KDR: variants seen among roughly 807,000 people sequenced by gnomAD.
KDR encodes vascular endothelial growth factor receptor 2.
In KDR, 43 loss-of-function variants were observed where a neutral mutation model predicts 160.9. The observed-to-expected ratio is 0.27, with a 90% CI of 0.21 to 0.34. KDR has a LOEUF of 0.34. Ranked by LOEUF, KDR falls within the 10% of genes least tolerant of loss-of-function variation. The pLI, the probability that KDR is intolerant of heterozygous loss-of-function variation, is 1.00. For synonymous variants in KDR, 617 were observed against 600.1 expected, an observed-to-expected ratio of 1.03 and a Z score of -0.41; for missense variants, 1,469 against 1,666.4, an observed-to-expected ratio of 0.88 and a Z score of 2.06.
At chr4:55,117,223 T>C (rs1182085789) in intron 3 of KDR, among the ~76,000 whole-genome samples, 1 of 152,162 alleles carries the variant, frequency 6.6e-6, no homozygotes, top group Non-Finnish European at 1.5e-5. Context: ...CAAAATAAAA[T>C]ATTTACTGAA....
At chr4:55,097,526 C>T (rs543654101) in intron 18 of KDR, 136 bp downstream of exon 18, 2 of 656,662 alleles carry the variant, frequency 3.0e-6, no homozygotes, top group South Asian at 1.7e-5. Flanking sequence ...CCAATTTGCA[C>T]AAGGGCATTA....
In KDR at chr4:55,089,396, G is replaced by A; in HGVS notation, c.3382C>T (p.Pro1128Ser). Residue 1128 changes from proline (P) to serine (S), a missense_variant, in exon 25 of 30, where the codon CCT (proline) becomes TCT (serine). Coordinates refer to ENST00000263923, the MANE Select transcript of KDR (RefSeq NM_002253.4). Reference protein sequence around the residue: ...RLKEGTRMRAPDYTTPEMYQT... With the variant: ...RLKEGTRMRASDYTTPEMYQT... Reference sequence around the variant, plus strand: ...TACATTTCTGGTGTAGTATAATCAGGGGCCCTCATTCTAGTTCCTTCTTTC... The same window carrying A: ...TACATTTCTGGTGTAGTATAATCAGAGGCCCTCATTCTAGTTCCTTCTTTC... 3 of 1,611,168 alleles carry A rather than the reference G, an allele frequency of 1.9e-6. No homozygotes were observed. The highest frequency in any genetic ancestry group is 2.5e-6 in the Non-Finnish European group (3 of 1,177,704).
rs2110011147 is a variant in KDR at position 55,089,796 on chromosome 4, G to A, written c.3199C>T (p.Leu1067Phe). Reference protein sequence around the residue: ...PDYVRKGDARLPLKWMAPETI... With the variant: ...PDYVRKGDARFPLKWMAPETI... The stretch of plus-strand genomic sequence containing the variant: ...TCTGGGGCCATCCATTTCAAAGGGA[G>A]GCGAGCCTACAGGGGTAGAAGACAA... Residue 1067 changes from leucine to phenylalanine, a missense_variant, in exon 24 of 30, where the codon CTC becomes TTC. Coordinates refer to ENST00000263923, the MANE Select transcript of KDR (RefSeq NM_002253.4). The A allele has an allele frequency of 1.2e-6, 2 of 1,613,950 alleles. No homozygotes were observed. Among genetic ancestry groups the A allele is most frequent in the Non-Finnish European group, 1.7e-6 (2 of 1,179,882 alleles).
chr4:55,104,691 T>G lies in KDR; in HGVS notation c.1939A>C (p.Arg647=). Residue 647 remains arginine (R), a synonymous_variant, in exon 13 of 30, where the codon AGG becomes CGG. Transcript: ENST00000263923. Reference sequence around the variant, plus strand: ...ACGCAATGTCTTTTCTTGGTCTTCCTGTCTTGAGCAAGGCAGACATAGTCT... The same window carrying G: ...ACGCAATGTCTTTTCTTGGTCTTCCGGTCTTGAGCAAGGCAGACATAGTCT... ...QGDYVCLAQD[R]KTKKRHCVVR... 6.2e-7 allele frequency: 1 copy of G among 1,613,856 alleles called. No individual in the cohort carries two copies. The highest frequency in any genetic ancestry group is 1.1e-5 in the South Asian group (1 of 91,068).
chr4:55,081,974 T>C lies in KDR; in HGVS notation c.3830A>G (p.Lys1277Arg). Residue 1277 changes from lysine to arginine, a missense_variant, in exon 29 of 30, where the codon AAA becomes AGA. Transcript: ENST00000263923. ...GTCTTACCCAAAAGATGGAGATAAT[T>C]TGGTTCTGTCTTCCAAAGTTTTCAG... ...EELKTLEDRT[K>R]LSPSFGGMVP... 1.2e-6 allele frequency: 2 copies of C among 1,612,196 alleles called. No individual in the cohort carries two copies. Among genetic ancestry groups the C allele is most frequent in the Non-Finnish European group, 1.7e-6 (2 of 1,178,208 alleles).
chr4:55,089,895 C>G (rs2110011362), intron 23 of KDR, 61 bp downstream of exon 23: 3 of 1,609,336 alleles, frequency 1.9e-6, no homozygotes, highest in East Asian at 2.2e-5. Flanking sequence ...TCCTGAAGCT[C>G]TCTACGAGGA....
At chr4:55,080,206 C>T (rs954762275) in intron 29 of KDR, 43 bp from the exon 30 acceptor site, 2 of 1,585,610 alleles carry the variant, frequency 1.3e-6, no homozygotes, top group South Asian at 1.1e-5. Context: ...AGAGAGAAGA[C>T]AATTCTTTTG....
At chr4:55,082,153 G>T in intron 28 of KDR, 112 bp from the exon 29 acceptor site, 1 of 848,196 alleles carries the variant, frequency 1.2e-6, no homozygotes, top group Non-Finnish European at 2.0e-6. Context: ...AAGGTCCTGT[G>T]GAAGAACATA....
intron 27 of KDR, among the ~76,000 whole-genome samples, chr4:55,087,190 G>C (rs1406555855): frequency 6.6e-6 from 1 of 152,170 alleles, no homozygotes; most frequent in African/African-American, 2.4e-5. Context: ...CCTTGCCAGA[G>C]AGCCATAAGC....
chr4:55,106,881 G>T, intron 10 of KDR, 71 bp from the exon 11 acceptor site: 4 of 1,319,928 alleles, frequency 3.0e-6, no homozygotes, highest in South Asian at 1.2e-5. Flanking sequence ...GTAAGGAAAA[G>T]ATTCAGACTT....
chr4:55,081,804 G>A (rs1719740342), intron 29 of KDR, 152 bp downstream of exon 29: 2 of 626,468 alleles, frequency 3.2e-6, no homozygotes, highest in Non-Finnish European at 5.7e-6. Context: ...TTTATTGTGT[G>A]GTTAGTTTCC....
rs1720648049 is a variant in KDR, at chr4:55,113,441, T to C, written c.839A>G (p.Gln280Arg). Reference protein sequence around the residue: ...KKLVNRDLKTQSGSEMKKFLS... With the variant: ...KKLVNRDLKTRSGSEMKKFLS... ...AAATTTCTTCATCTCACTCCCAGACTGGGTTTTTAGGTCTCGGTTTACAAG... is the reference window on the plus strand; with the variant it reads ...AAATTTCTTCATCTCACTCCCAGACCGGGTTTTTAGGTCTCGGTTTACAAG... Residue 280 changes from glutamine to arginine, a missense_variant, in exon 7 of 30, where the codon CAG (glutamine) becomes CGG (arginine). Physicochemically the swap from Gln to Arg is conservative, Grantham distance 43 (BLOSUM62 1). Transcript: ENST00000263923. 6.2e-7 allele frequency: 1 copy of C among 1,613,924 alleles called. No individual in the cohort carries two copies. Among genetic ancestry groups the C allele is most frequent in the Admixed American group, 1.7e-5 (1 of 59,976 alleles).
chr4:55,105,015 G>T (rs751159677), intron 12 of KDR, 31 bp from the exon 13 acceptor site: 1 of 1,566,764 alleles, frequency 6.4e-7, no homozygotes, highest in South Asian at 1.1e-5. Context: ...TTATTGAATG[G>T]TGATTTAACT....
At chr4:55,094,669 T>C (rs1230415562) in intron 21 of KDR, 133 bp downstream of exon 21, 3 of 878,622 alleles carry the variant, frequency 3.4e-6, no homozygotes, top group South Asian at 2.6e-5. Flanking sequence ...CAGTCTATTA[T>C]AGAAATTCAG....
At chr4:55,084,748 G>T (rs549295022) in intron 27 of KDR, among the ~76,000 whole-genome samples, 3 of 152,204 alleles carry the variant, frequency 2.0e-5, no homozygotes, top group African/African-American at 7.2e-5. Context: ...GTATCAGGAG[G>T]GAAAAGAAAG....
intron 12 of KDR, among the ~76,000 whole-genome samples, chr4:55,105,399 C>T (rs1227016216): frequency 6.6e-6 from 1 of 152,188 alleles, no homozygotes; most frequent in Non-Finnish European, 1.5e-5. Flanking sequence ...TAAAGCTTAT[C>T]CATAAAACTA....
At chr4:55,120,541 G>A (rs1473630395) in intron 2 of KDR, among the ~76,000 whole-genome samples, 11 of 152,064 alleles carry the variant, frequency 7.2e-5, no homozygotes, top group South Asian at 4.1e-4. Context: ...GGCAGGGCCC[G>A]AAGTCCATTA....
At chr4:55,094,380 G>C (rs947007336) in intron 21 of KDR, among the ~76,000 whole-genome samples, 6 of 152,160 alleles carry the variant, frequency 3.9e-5, no homozygotes, top group African/African-American at 1.4e-4. Flanking sequence ...AACTGCCTTT[G>C]AGAAGGTTAG....
Position 55,087,503 on chromosome 4 carries a change from G to A in KDR, c.3662+104C>T. ...TCAGGGCTAAGGTTATGTGGAAGTGGGATGCAACAGCCTTAGACAAGGTCT... is the reference window on the plus strand; with the variant it reads ...TCAGGGCTAAGGTTATGTGGAAGTGAGATGCAACAGCCTTAGACAAGGTCT... On this transcript the variant is annotated intron_variant, in intron 27 of 29. Coordinates refer to ENST00000263923, the MANE Select transcript of KDR (RefSeq NM_002253.4). The A allele has an allele frequency of 5.0e-6, 5 of 990,734 alleles. No individual in the cohort carries two copies. In the South Asian group the frequency reaches 7.5e-5, roughly 15 times the overall value. 61.4% of individuals were successfully genotyped at this position (990,734 alleles called of 1,614,324 possible).
Sources: gnomAD v4.1 joint callset for allele counts (sites outside exome capture counted in the v4.1 genomes callset) on GRCh38, gnomAD v4.1.1 for gene constraint, MANE v1.5 for transcripts, NCBI Gene and HGNC (gene_info 2026-07-23, HGNC 2026-07-21) for gene names.